FBXL19: variants seen among roughly 807,000 people sequenced by gnomAD.
FBXL19 encodes F-box/LRR-repeat protein 19.
FBXL19 carries 16 observed loss-of-function variants against 71.2 expected under a neutral mutation model. The ratio of observed to expected loss-of-function variants is 0.22; its 90% CI spans 0.15 to 0.34. The LOEUF (loss-of-function observed/expected upper bound fraction) is 0.34. FBXL19 is among the 10% of genes least tolerant of loss of function. The pLI is 1.00. For synonymous variants in FBXL19, 447 were observed against 409.4 expected, an observed-to-expected ratio of 1.09 and a Z score of -1.11; for missense variants, 658 against 968.2, an observed-to-expected ratio of 0.68 and a Z score of 4.25.
Position 30,947,041 on chromosome 16 carries a change from C to A in FBXL19, c.1847-11C>A, listed in dbSNP as rs760918557. ...ACCTGCCTGGTCTCAGCTCCACTGCCCCATCCCCAGGTTGCCACCGCCTAA... is the reference window on the plus strand; with the variant it reads ...ACCTGCCTGGTCTCAGCTCCACTGCACCATCCCCAGGTTGCCACCGCCTAA... On this transcript the variant is annotated splice_polypyrimidine_tract_variant and intron_variant, in intron 10 of 10. Coordinates refer to ENST00000338343, the MANE Select transcript of FBXL19 (RefSeq NM_001382779.1). 8.2e-6 allele frequency: 13 copies of A among 1,587,876 alleles called. 1 individual carries two copies.
rs189560142 is a variant in FBXL19 at position 30,924,635 on chromosome 16, C to G, written c.-25+176C>G. 195 of 1,390,780 alleles carry G rather than the reference C, an allele frequency of 1.4e-4. 1 individual carries two copies. In the African/African-American group the frequency reaches 2.9e-3, roughly 20 times the overall value. 86.2% of individuals were successfully genotyped at this position (1,390,780 alleles called of 1,614,324 possible). The stretch of plus-strand genomic sequence containing the variant: ...CACCCTGGGGAACTGGCCCTCCTTC[C>G]TAGACCCTGCTTCCCCTTGAAAGCC... On this transcript the variant is annotated intron_variant, in intron 1 of 10. Coordinates refer to ENST00000338343, the MANE Select transcript of FBXL19 (RefSeq NM_001382779.1).
intron 7 of FBXL19, among the ~76,000 whole-genome samples, chr16:30,940,349 G>A (rs1410251142): frequency 1.3e-5 from 2 of 151,044 alleles, no homozygotes; most frequent in Middle Eastern, 3.2e-3. Flanking sequence ...GAGCCCAGGA[G>A]TTTAAGGTTG....
intron 7 of FBXL19, among the ~76,000 whole-genome samples, chr16:30,939,769 T>C (rs1314023762): frequency 6.6e-6 from 1 of 152,060 alleles, no homozygotes; most frequent in Non-Finnish European, 1.5e-5. Context: ...TAAATCATGT[T>C]ACGCAGATAA....
In FBXL19 at chr16:30,947,655, A is replaced by G. The variant is rs1012913003; in HGVS notation, c.*425A>G. 6.4e-5 allele frequency: 20 copies of G among 314,464 alleles called. No individual in the cohort carries two copies. Among genetic ancestry groups the G allele is most frequent in the East Asian group, 3.3e-4 (3 of 9,024 alleles). 19.5% of individuals were successfully genotyped at this position (314,464 alleles called of 1,614,324 possible). On this transcript the variant is annotated 3_prime_UTR_variant, in exon 11 of 11. Transcript: ENST00000338343. The stretch of plus-strand genomic sequence containing the variant: ...GCAGACCACCAAGGGTTCAGGGAAC[A>G]AAGACCAGTTACTTGGAGTGGGGGG...
chr16:30,939,417 T>G (rs944774409), intron 7 of FBXL19, among the ~76,000 whole-genome samples: 24 of 148,366 alleles, frequency 1.6e-4, no homozygotes, highest in Non-Finnish European at 2.4e-4. Context: ...GGGTTTTTTT[T>G]TTTGTTTTTT....
intron 7 of FBXL19, among the ~76,000 whole-genome samples, chr16:30,941,132 G>A (rs1404169674): frequency 6.6e-6 from 1 of 152,210 alleles, no homozygotes; most frequent in Non-Finnish European, 1.5e-5. Flanking sequence ...GAGGAGGTGG[G>A]GGAGAGTGGT....
At chr16:30,939,559 G>T (rs542737061) in intron 7 of FBXL19, among the ~76,000 whole-genome samples, 1 of 150,794 alleles carries the variant, frequency 6.6e-6, no homozygotes, top group Non-Finnish European at 1.5e-5. Flanking sequence ...GACTACAGGC[G>T]CCCTCCACCA....
At chr16:30,929,326 A>T in intron 6 of FBXL19, among the ~76,000 whole-genome samples, 1 of 152,120 alleles carries the variant, frequency 6.6e-6, no homozygotes, top group South Asian at 2.1e-4. Flanking sequence ...GTGAGGATGG[A>T]ATGAGTCAGC....
chr16:30,942,334 G>A lies in FBXL19; in HGVS notation c.1466-41G>A. On this transcript the variant is annotated intron_variant, in intron 8 of 10. Coordinates refer to ENST00000338343, the MANE Select transcript of FBXL19 (RefSeq NM_001382779.1). This position sits in a 1 kb window ranked among gnomAD's most constrained non-coding sequence, Gnocchi z 5.7. ...GGGACAGGGACAGGCCTGGGATGGA[G>A]TCCTCACAGCACCTGCTTCCTGACT... 6.2e-7 allele frequency: 1 copy of A among 1,602,968 alleles called. No individual in the cohort carries two copies. Among genetic ancestry groups the A allele is most frequent in the Non-Finnish European group, 8.5e-7 (1 of 1,173,450 alleles).
chr16:30,925,705 C>T lies in FBXL19; in HGVS notation c.-24-26C>T. ...CAGGCCAGGGCCCCAGTGGGCCCAT[C>T]TGACCCTGCCACCATCCACCTACAG... On this transcript the variant is annotated intron_variant, in intron 1 of 10. Coordinates refer to ENST00000338343, the MANE Select transcript of FBXL19 (RefSeq NM_001382779.1). The surrounding 1 kb of genome is among the most constrained non-coding windows in gnomAD (Gnocchi z 5.0). 1 of 1,486,728 alleles carries T rather than the reference C, an allele frequency of 6.7e-7. No individual in the cohort carries two copies. Among genetic ancestry groups the T allele is most frequent in the Non-Finnish European group, 8.9e-7 (1 of 1,125,142 alleles). The allele number at this position is 1,486,728 out of a possible 1,614,324, so 92.1% of individuals were successfully genotyped here.
chr16:30,924,428 A>C lies in FBXL19; in HGVS notation c.-56A>C. 1 of 277,848 alleles carries C rather than the reference A, an allele frequency of 3.6e-6. No homozygotes were observed. The highest frequency in any genetic ancestry group is 6.6e-6 in the Non-Finnish European group (1 of 150,674). 17.2% of individuals were successfully genotyped at this position (277,848 alleles called of 1,614,324 possible). ...CGCCGACCCGCCGGGAGCTGCCGAGAAGGGAGAGATGGCTCCCGGGACACG... is the reference window on the plus strand; with the variant it reads ...CGCCGACCCGCCGGGAGCTGCCGAGCAGGGAGAGATGGCTCCCGGGACACG... On this transcript the variant is annotated 5_prime_UTR_variant, in exon 1 of 11. Coordinates refer to ENST00000338343, the MANE Select transcript of FBXL19 (RefSeq NM_001382779.1).
Position 30,947,721 on chromosome 16 carries a change from G to A in FBXL19, c.*491G>A. 2.8e-6 allele frequency: 1 copy of A among 357,110 alleles called. No homozygotes were observed. Among genetic ancestry groups the A allele is most frequent in the Non-Finnish European group, 5.5e-6 (1 of 180,736 alleles). 22.1% of individuals were successfully genotyped at this position (357,110 alleles called of 1,614,324 possible). A position where few individuals can be genotyped will look rare whatever the true frequency, so the allele number is the denominator to read the frequency against. ...AAAAGGAAAACCGGAGGAGCAATTG[G>A]GGATCCAGGTGTCAGAGGTAGGGGA... On this transcript the variant is annotated 3_prime_UTR_variant, in exon 11 of 11. Transcript: ENST00000338343.
intron 7 of FBXL19, among the ~76,000 whole-genome samples, chr16:30,936,163 GC>G (rs1410464856): frequency 6.6e-6 from 1 of 152,130 alleles, no homozygotes; most frequent in Non-Finnish European, 1.5e-5. Context: ...CTTGCCTGAG[GC>G]CCCCCAAAGC....
intron 2 of FBXL19, among the ~76,000 whole-genome samples, 164 bp downstream of exon 2, chr16:30,926,095 C>T (rs1236727763): frequency 3.9e-5 from 6 of 152,198 alleles, no homozygotes. Flanking sequence ...TTGTCCTCAG[C>T]TCCAAGCTGG....
In FBXL19 at chr16:30,946,336, C is replaced by T. The variant is rs1389295275; in HGVS notation, c.1628-394C>T. Among the ~76,000 whole-genome samples, 1 of 152,058 alleles carries T rather than the reference C, an allele frequency of 6.6e-6. No homozygotes were observed. The highest frequency in any genetic ancestry group is 1.5e-5 in the Non-Finnish European group (1 of 68,006). ...CTCCTGCCTCAGCCTCCTGAGTAGC[C>T]GGGATTACAGGCGCCTGCCACCATA... On this transcript the variant is annotated intron_variant, in intron 9 of 10. Coordinates refer to ENST00000338343, the MANE Select transcript of FBXL19 (RefSeq NM_001382779.1). This position sits in a 1 kb window ranked among gnomAD's most constrained non-coding sequence, Gnocchi z 6.7.
upstream of FBXL19, chr16:30,923,114 G>A: frequency 2.2e-6 from 1 of 456,712 alleles, no homozygotes; most frequent in Non-Finnish European, 4.4e-6. Flanking sequence ...AGTAGAAATG[G>A]CAGCGGGAAG....
At chr16:30,936,561 G>A (rs2055735758) in intron 7 of FBXL19, among the ~76,000 whole-genome samples, 1 of 150,008 alleles carries the variant, frequency 6.7e-6, no homozygotes. Context: ...GAGTAACTGG[G>A]ACTACAGGTG....
At chr16:30,928,659 C>T in intron 6 of FBXL19, 31 bp downstream of exon 6, 1 of 1,489,510 alleles carries the variant, frequency 6.7e-7, no homozygotes, top group Non-Finnish European at 8.9e-7. Flanking sequence ...CTCCCCTTCC[C>T]ACCTTCCCTT....
Position 30,925,794 on chromosome 16 carries a change from C to A in FBXL19, c.40C>A (p.Arg14=), listed in dbSNP as rs764930272. The A allele has an allele frequency of 2.3e-5, 35 of 1,493,350 alleles. No individual in the cohort carries two copies. The Admixed American group carries it at 8.9e-4, about 38-fold the overall frequency. 92.5% of individuals were successfully genotyped at this position (1,493,350 alleles called of 1,614,324 possible). The change falls in exon 2 of 11, where the codon CGA becomes AGA. Residue 14 remains arginine (R), a synonymous_variant. Coordinates refer to ENST00000338343, the MANE Select transcript of FBXL19 (RefSeq NM_001382779.1). This position sits in a 1 kb window ranked among gnomAD's most constrained non-coding sequence, Gnocchi z 5.0. ...CCGGGGGCCGGGGGCCGGAGCGCGC[C>A]GACGCCGAACCCGCTGCCGCCGCTG... ...SSRGPGAGAR[R]RRTRCRRCRA... is the part of the protein sequence containing the mutation.
Sources: gnomAD v4.1 joint callset for allele counts (sites outside exome capture counted in the v4.1 genomes callset) on GRCh38, gnomAD v4.1.1 for gene constraint, Gnocchi (gnomAD v3.1) non-coding constraint, MANE v1.5 for transcripts, NCBI Gene and HGNC (gene_info 2026-07-23, HGNC 2026-07-21) for gene names.